Variants in STYXL1 observed in about 807,000 individuals in gnomAD.
STYXL1 encodes serine/threonine/tyrosine-interacting-like protein 1.
In STYXL1, 32 loss-of-function variants were observed where a neutral mutation model predicts 36.4. The ratio of observed to expected loss-of-function variants is 0.88; its 90% CI spans 0.66 to 1.18. The LOEUF (loss-of-function observed/expected upper bound fraction) is 1.18. Among genes scored for constraint, STYXL1 ranks in the 50% most tolerant of loss-of-function variants. The probability of loss-of-function intolerance (pLI) is 0.00; values close to 1 mark genes in which losing one functional copy is unlikely to be tolerated. For synonymous variants in STYXL1, 133 were observed against 144.1 expected (o/e 0.92, Z 0.55); for missense variants, 354 against 394.1 (o/e 0.90, Z 0.86).
At chr7:76,013,657 G>C in intron 5 of STYXL1, 85 bp downstream of exon 5, 2 of 1,581,244 alleles carry the variant, frequency 1.3e-6, no homozygotes, top group African/African-American at 2.7e-5. Context: ...CCATCCTCCT[G>C]TTTCTCCCAC....
At position 76,022,009 on chromosome 7, in the gene STYXL1, C is replaced by T. The variant is rs557330203; in HGVS notation, c.166-17G>A. The stretch of plus-strand genomic sequence containing the variant: ...ATTATTTTTCTTAAAAAAAAAAACA[C>T]ACACACACAAGAGAGGCCTGTTGGT... On this transcript the variant is annotated splice_polypyrimidine_tract_variant and intron_variant, in intron 3 of 8. Coordinates refer to ENST00000359697, the MANE Select transcript of STYXL1 (RefSeq NM_001317785.2). 2 of 1,597,268 alleles carry T rather than the reference C, an allele frequency of 1.3e-6. No homozygotes were observed. Among genetic ancestry groups the T allele is most frequent in the Admixed American group, 3.5e-5 (2 of 57,968 alleles).
chr7:76,002,766 A>G (rs1333748035), intron 7 of STYXL1, among the ~76,000 whole-genome samples: 3 of 152,082 alleles, frequency 2.0e-5, no homozygotes, highest in African/African-American at 7.2e-5. Flanking sequence ...TTTACTAAAA[A>G]TGCAAAAATT....
At chr7:76,007,738 C>T (rs183988505) in intron 5 of STYXL1, among the ~76,000 whole-genome samples, 1 of 151,070 alleles carries the variant, frequency 6.6e-6, no homozygotes, top group Admixed American at 6.6e-5. Context: ...CTGGGTAACA[C>T]AGCAAGACCC....
At chr7:76,000,612 C>T (rs1366120020) in intron 8 of STYXL1, 3 of 547,246 alleles carry the variant, frequency 5.5e-6, no homozygotes, top group South Asian at 1.5e-5. Context: ...CAACACCAAA[C>T]AAACACAGGT....
At chr7:76,021,748 T>A in intron 4 of STYXL1, 103 bp downstream of exon 4, 1 of 833,070 alleles carries the variant, frequency 1.2e-6, no homozygotes, top group South Asian at 1.5e-5. Flanking sequence ...CTCAGTGTCA[T>A]TGGCCTGTTC....
chr7:76,017,593 C>T (rs1554574400), intron 4 of STYXL1, among the ~76,000 whole-genome samples: 2 of 151,634 alleles, frequency 1.3e-5, no homozygotes, highest in African/African-American at 4.8e-5. Flanking sequence ...GGTTGAAAAA[C>T]TACCTACTGG....
At chr7:76,000,387 A>C (rs1340916578) in intron 8 of STYXL1, 6 of 456,490 alleles carry the variant, frequency 1.3e-5, no homozygotes, top group Admixed American at 2.4e-5. Flanking sequence ...GGTCCTATCA[A>C]GCCCTCTGGG....
intron 1 of STYXL1, among the ~76,000 whole-genome samples, chr7:76,031,298 T>C (rs1352249867): frequency 9.1e-6 from 1 of 110,038 alleles, no homozygotes; most frequent in Admixed American, 1.4e-4. Context: ...GCCATTGCAC[T>C]CCAGCCTGGG....
rs946032530 is a variant in STYXL1 at position 76,028,776 on chromosome 7, C to A, written c.104-73G>T. ...ACCAAACTACTCAGAGGACCTACGTCGTCATCAACGTCTATTTGTTTGGCA... is the reference window on the plus strand; with the variant it reads ...ACCAAACTACTCAGAGGACCTACGTAGTCATCAACGTCTATTTGTTTGGCA... On this transcript the variant is annotated intron_variant, in intron 2 of 8. Coordinates refer to ENST00000359697, the MANE Select transcript of STYXL1 (RefSeq NM_001317785.2). 7 of 1,289,836 alleles carry A rather than the reference C, an allele frequency of 5.4e-6. No homozygotes were observed. The African/African-American group carries it at 8.7e-5, about 16-fold the overall frequency. The allele number at this position is 1,289,836 out of a possible 1,614,324, so 79.9% of individuals were successfully genotyped here. A position where few individuals can be genotyped will look rare whatever the true frequency, so the allele number is the denominator to read the frequency against.
intron 1 of STYXL1, chr7:76,044,375 C>T (rs1796753971): frequency 6.6e-6 from 1 of 152,220 alleles, no homozygotes; most frequent in African/African-American, 2.4e-5. Context: ...GTATTGAACT[C>T]CTGGGCTCAA....
At chr7:76,000,796 A>G in intron 8 of STYXL1, 94 bp downstream of exon 8, 2 of 948,260 alleles carry the variant, frequency 2.1e-6, no homozygotes, top group Non-Finnish European at 3.4e-6. Context: ...CTTCCTCCCA[A>G]AGCAGTGCTG....
chr7:76,043,225 T>C (rs1316765741), intron 1 of STYXL1, among the ~76,000 whole-genome samples: 2 of 152,046 alleles, frequency 1.3e-5, no homozygotes, highest in East Asian at 3.9e-4. Flanking sequence ...CACTGCAACC[T>C]CTGCCTCCTG....
intron 1 of STYXL1, among the ~76,000 whole-genome samples, chr7:76,037,430 G>A (rs1554580978): frequency 6.7e-6 from 1 of 150,212 alleles, no homozygotes; most frequent in East Asian, 1.9e-4. Flanking sequence ...GGGCTGGGAA[G>A]CTCCCCTCTA....
intron 8 of STYXL1, among the ~76,000 whole-genome samples, chr7:75,998,080 T>C (rs1790352462): frequency 6.6e-6 from 1 of 152,106 alleles, no homozygotes; most frequent in Admixed American, 6.6e-5. Context: ...TTTGTAGAAA[T>C]AGAAAAATCC....
chr7:76,038,329 G>A (rs1023892293), intron 1 of STYXL1, among the ~76,000 whole-genome samples: 13 of 149,632 alleles, frequency 8.7e-5, no homozygotes, highest in Non-Finnish European at 3.0e-5. Context: ...GGGATGACAT[G>A]AGCCTCTCCT....
At chr7:75,999,842 G>A (rs1554566032) in intron 8 of STYXL1, among the ~76,000 whole-genome samples, 3 of 152,056 alleles carry the variant, frequency 2.0e-5, no homozygotes, top group Non-Finnish European at 4.4e-5. Context: ...CACCGCGCCC[G>A]GCCTGTTATG....
In STYXL1 at chr7:76,013,788, C is replaced by A; in HGVS notation, c.407G>T (p.Gly136Val). The A allele has an allele frequency of 6.2e-7, 1 of 1,613,930 alleles. No individual in the cohort carries two copies. Among genetic ancestry groups the A allele is most frequent in the Non-Finnish European group, 8.5e-7 (1 of 1,179,948 alleles). Residue 136 changes from glycine (G) to valine (V), a missense_variant, in exon 5 of 9, where the codon GGC becomes GTC. Physicochemically the swap from Gly to Val is moderately radical, Grantham distance 109. Coordinates refer to ENST00000359697, the MANE Select transcript of STYXL1 (RefSeq NM_001317785.2). ...CTGGGTCCGGAGAAAGTGGTACGTG[C>A]CTGAGAAGCGCTCATAGCCCCCTTT... ...ILKGGYERFS[G>V]TYHFLRTQKI...
chr7:76,002,259 C>T (rs1791046739), intron 7 of STYXL1, among the ~76,000 whole-genome samples: 1 of 152,184 alleles, frequency 6.6e-6, no homozygotes, highest in Admixed American at 6.5e-5. Flanking sequence ...CAGTGCCTGG[C>T]ACAGAAATAT....
chr7:76,009,006 A>C (rs1338845163), intron 5 of STYXL1, among the ~76,000 whole-genome samples: 6 of 152,030 alleles, frequency 3.9e-5, no homozygotes, highest in South Asian at 2.1e-4. Context: ...TCAAAAAAAA[A>C]CCAAAACAAA....
Sources: allele counts gnomAD v4.1 joint callset (sites outside exome capture counted in the v4.1 genomes callset), GRCh38; gene constraint gnomAD v4.1.1; transcripts MANE v1.5; gene names NCBI Gene and HGNC (gene_info 2026-07-23, HGNC 2026-07-21).